Variants in GLDN observed in about 807,000 individuals in gnomAD.
GLDN encodes collomin.
GLDN carries 47 observed loss-of-function variants against 56.5 expected under a neutral mutation model. That is an observed-to-expected ratio of 0.83 (90% confidence interval 0.66 to 1.06). GLDN has a LOEUF of 1.06. Among genes scored for constraint, GLDN ranks in the 50% least tolerant of loss-of-function variants. GLDN has a pLI of 0.00. For synonymous variants in GLDN, 332 were observed against 278.8 expected, an observed-to-expected ratio of 1.19 and a Z score of -1.90; for missense variants, 782 against 714.3, an observed-to-expected ratio of 1.09 and a Z score of -1.08.
chr15:51,373,745 G>A (rs1362928924), intron 1 of GLDN, among the ~76,000 whole-genome samples: 3 of 152,226 alleles, frequency 2.0e-5, no homozygotes, highest in Non-Finnish European at 2.9e-5. Context: ...TGCCCTACAA[G>A]GTGCGGGGGC....
At chr15:51,397,699 A>T in intron 6 of GLDN, 101 bp downstream of exon 6, 1 of 1,313,644 alleles carries the variant, frequency 7.6e-7, no homozygotes, top group Admixed American at 3.0e-5. Context: ...TAATAGAGGG[A>T]GGAGGGTTTT....
At chr15:51,381,325 T>C (rs953778405) in intron 2 of GLDN, among the ~76,000 whole-genome samples, 1 of 152,198 alleles carries the variant, frequency 6.6e-6, no homozygotes, top group Non-Finnish European at 1.5e-5. Flanking sequence ...TATCCGAATT[T>C]GGCTCCCTCT....
intron 1 of GLDN, among the ~76,000 whole-genome samples, chr15:51,348,134 C>T (rs1273579517): frequency 1.3e-5 from 2 of 151,992 alleles, no homozygotes; most frequent in African/African-American, 4.8e-5. Flanking sequence ...CCTTGTACCC[C>T]AGGTAATTTG....
intron 1 of GLDN, among the ~76,000 whole-genome samples, chr15:51,373,877 GA>G (rs1432524303): frequency 6.6e-6 from 1 of 152,150 alleles, no homozygotes; most frequent in African/African-American, 2.4e-5. Context: ...TGCAAAATAT[GA>G]CTCCTTAATT....
Position 51,405,590 on chromosome 15 carries a change from A to T in GLDN, c.*836A>T, listed in dbSNP as rs977469380. ...AATCATGATCTTCCAGGTTCCCCCC[A>T]GTTTCTGATCATGTTGATTTGTAGC... On this transcript the variant is annotated 3_prime_UTR_variant, in exon 10 of 10. Transcript: ENST00000335449. 6.6e-6 allele frequency: 1 copy of T among 151,958 alleles called. No homozygotes were observed. Among genetic ancestry groups the T allele is most frequent in the East Asian group, 1.9e-4 (1 of 5,178 alleles). 9.4% of individuals were successfully genotyped at this position (151,958 alleles called of 1,614,324 possible). A position where few individuals can be genotyped will look rare whatever the true frequency, so the allele number is the denominator to read the frequency against.
chr15:51,347,213 G>GAGAC (rs113133436), intron 1 of GLDN, among the ~76,000 whole-genome samples: 4,562 of 152,184 alleles, frequency 0.03, 241 homozygotes, highest in African/African-American at 0.11. Context: ...ACAGGAAAAT[G>GAGAC]AGACAGTTCT....
intron 9 of GLDN, 102 bp downstream of exon 9, chr15:51,401,845 G>T (rs760880660): frequency 4.8e-6 from 5 of 1,047,544 alleles, no homozygotes; most frequent in Non-Finnish European, 6.9e-6. Flanking sequence ...CATCATCTTT[G>T]TGTCCCTAGG....
chr15:51,372,231 A>G (rs949531455), intron 1 of GLDN, among the ~76,000 whole-genome samples: 3 of 152,240 alleles, frequency 2.0e-5, no homozygotes, highest in African/African-American at 7.2e-5. Flanking sequence ...CAGAGCCCTC[A>G]TGATCCAATA....
At position 51,383,511 on chromosome 15, in the gene GLDN, A is replaced by G. The variant is rs776600049; in HGVS notation, c.433+58A>G. ...AGGCTGTGGGTGGCCAGACCCTAGG[A>G]TCTCCCTGTTGGGACAGATGCGGGG... On this transcript the variant is annotated intron_variant, in intron 3 of 9. Transcript: ENST00000335449. The G allele has an allele frequency of 7.5e-6, 12 of 1,596,248 alleles. No individual in the cohort carries two copies. In the African/African-American group the frequency reaches 1.2e-4, roughly 16 times the overall value.
downstream of GLDN, among the ~76,000 whole-genome samples, chr15:51,411,659 A>T (rs931050482): frequency 1.3e-5 from 2 of 152,230 alleles, no homozygotes; most frequent in Non-Finnish European, 2.9e-5. Context: ...CTTTATGGAC[A>T]CTGAAATTTG....
At position 51,392,190 on chromosome 15, in the gene GLDN, T is replaced by C. The variant is rs142259807; in HGVS notation, c.542-2645T>C. 1.6e-4 allele frequency among the ~76,000 whole-genome samples: 24 copies of C among 152,272 alleles called. No homozygotes were observed. In the East Asian group the frequency reaches 4.6e-3, roughly 29 times the overall value. On this transcript the variant is annotated intron_variant, in intron 4 of 9. Coordinates refer to ENST00000335449, the MANE Select transcript of GLDN (RefSeq NM_181789.4). ...AGAGCTCCAGGTTTACGTTTTAGGGTAGGGGTCCCCAGCCCCCAGACCCAT... is the reference window on the plus strand; with the variant it reads ...AGAGCTCCAGGTTTACGTTTTAGGGCAGGGGTCCCCAGCCCCCAGACCCAT...
chr15:51,346,067 G>A (rs1475398503), intron 1 of GLDN, among the ~76,000 whole-genome samples: 2 of 152,134 alleles, frequency 1.3e-5, no homozygotes, highest in African/African-American at 2.4e-5. Context: ...AAACCAAATG[G>A]TAAAAATAGT....
At chr15:51,404,176 C>T in intron 9 of GLDN, 101 bp from the exon 10 acceptor site, 4 of 881,564 alleles carry the variant, frequency 4.5e-6, no homozygotes, top group Middle Eastern at 3.6e-4. Context: ...TCCCAGCCCT[C>T]ACCCCAGACC....
At chr15:51,381,610 T>C (rs935778951) in intron 2 of GLDN, among the ~76,000 whole-genome samples, 5 of 152,142 alleles carry the variant, frequency 3.3e-5, no homozygotes, top group African/African-American at 1.2e-4. Flanking sequence ...CCCTGTTATC[T>C]GAATGTCCTC....
At chr15:51,411,611 CTA>C (rs1388923181), downstream of GLDN, among the ~76,000 whole-genome samples, 4 of 152,202 alleles carry the variant, frequency 2.6e-5, no homozygotes, top group Non-Finnish European at 5.9e-5. Context: ...TAGTTGAAAA[CTA>C]TAACATGTAA....
At chr15:51,358,865 A>G (rs1350248174) in intron 1 of GLDN, among the ~76,000 whole-genome samples, 1 of 152,210 alleles carries the variant, frequency 6.6e-6, no homozygotes, top group East Asian at 1.9e-4. Flanking sequence ...GAGGGAAGTA[A>G]CTATAATACC....
chr15:51,391,273 C>T (rs1333848268), intron 4 of GLDN, among the ~76,000 whole-genome samples: 1 of 140,510 alleles, frequency 7.1e-6, no homozygotes, highest in Non-Finnish European at 1.5e-5. Context: ...GAACATTTCC[C>T]TGTTTCACAT....
In GLDN at chr15:51,394,699, T is replaced by C. The variant is rs1207095012; in HGVS notation, c.542-136T>C. 4 of 764,624 alleles carry C rather than the reference T, an allele frequency of 5.2e-6. No individual in the cohort carries two copies. The East Asian group carries it at 1.1e-4, about 21-fold the overall frequency. The allele number at this position is 764,624 out of a possible 1,614,324, so 47.4% of individuals were successfully genotyped here. ...AATGAACGTATGGTCACACTGCTGC[T>C]CTAAAATGGTTATGAAATGCTGTGT... is the stretch of plus-strand genomic sequence containing the variant. On this transcript the variant is annotated intron_variant, in intron 4 of 9. Transcript: ENST00000335449.
At chr15:51,360,726 C>T (rs2037280902) in intron 1 of GLDN, among the ~76,000 whole-genome samples, 1 of 152,216 alleles carries the variant, frequency 6.6e-6, no homozygotes, top group Non-Finnish European at 1.5e-5. Context: ...ATTTTTCTCA[C>T]ATGCCTTTCT....
Sources: allele counts gnomAD v4.1 joint callset (sites outside exome capture counted in the v4.1 genomes callset), GRCh38; gene constraint gnomAD v4.1.1; transcripts MANE v1.5; gene names NCBI Gene and HGNC (gene_info 2026-07-23, HGNC 2026-07-21).